Variants in KCNH1 observed in about 807,000 individuals in gnomAD.
KCNH1 encodes voltage-gated delayed rectifier potassium channel KCNH1.
A neutral mutation model predicts 69.2 loss-of-function variants in KCNH1; 27 were observed. The ratio of observed to expected loss-of-function variants is 0.39; its 90% CI spans 0.29 to 0.54. The LOEUF (loss-of-function observed/expected upper bound fraction) is 0.54, where lower values mean the gene tolerates loss of function less well. Ranked by LOEUF, KCNH1 falls within the 20% of genes least tolerant of loss-of-function variation. The pLI is 0.68. For synonymous variants in KCNH1, 456 were observed against 487.7 expected (o/e 0.93, Z 0.86); for missense variants, 798 against 1,261.6 (o/e 0.63, Z 5.57).
chr1:211,026,121 A>T (rs1442936866), intron 5 of KCNH1, among the ~76,000 whole-genome samples: 1 of 152,116 alleles, frequency 6.6e-6, no homozygotes, highest in Non-Finnish European at 1.5e-5. Context: ...ACAGCAAATA[A>T]ATGAACCTAA....
rs1003914958 is a variant in KCNH1, at chr1:210,684,143, A to G, written c.2113-5T>C. ...GCTGATCTTCCGGAACACAATCTGGAGAGAGAGAGAGAGAGAATGACATGG... is the reference window on the plus strand; with the variant it reads ...GCTGATCTTCCGGAACACAATCTGGGGAGAGAGAGAGAGAGAATGACATGG... On this transcript the variant is annotated splice_region_variant and splice_polypyrimidine_tract_variant and intron_variant, in intron 10 of 10. Coordinates refer to ENST00000271751, the MANE Select transcript of KCNH1 (RefSeq NM_172362.3). The G allele has an allele frequency of 1.1e-6, 1 of 876,404 alleles. No individual in the cohort carries two copies. The highest frequency in any genetic ancestry group is 1.8e-5 in the African/African-American group (1 of 56,674). 54.3% of individuals were successfully genotyped at this position (876,404 alleles called of 1,614,324 possible).
intron 6 of KCNH1, among the ~76,000 whole-genome samples, chr1:210,975,964 A>T (rs1311719905): frequency 6.6e-6 from 1 of 152,272 alleles, no homozygotes; most frequent in Admixed American, 6.5e-5. Context: ...ACTTCTCAAA[A>T]GAAGACATTT....
At chr1:210,747,548 T>C (rs528676217) in intron 10 of KCNH1, among the ~76,000 whole-genome samples, 129 of 151,804 alleles carry the variant, frequency 8.5e-4, no homozygotes, top group African/African-American at 2.9e-3. Flanking sequence ...CTATATTTAC[T>C]GGAAGATTTA....
chr1:210,869,824 T>C (rs1475048167), intron 7 of KCNH1, among the ~76,000 whole-genome samples: 1 of 152,128 alleles, frequency 6.6e-6, no homozygotes, highest in East Asian at 1.9e-4. Flanking sequence ...CTACCAGCCC[T>C]GTATTGCCTC....
At chr1:210,988,018 A>G (rs1328121232) in intron 6 of KCNH1, among the ~76,000 whole-genome samples, 1 of 152,150 alleles carries the variant, frequency 6.6e-6, no homozygotes, top group South Asian at 2.1e-4. Flanking sequence ...GACACCTTGC[A>G]GTTTGATCTC....
At chr1:211,131,054 C>A (rs1161922080) in intron 1 of KCNH1, among the ~76,000 whole-genome samples, 1 of 151,878 alleles carries the variant, frequency 6.6e-6, no homozygotes, top group African/African-American at 2.4e-5. Flanking sequence ...CATGGTGTAC[C>A]ATAAAGAATC....
At chr1:210,829,812 A>G (rs1252627079) in intron 7 of KCNH1, among the ~76,000 whole-genome samples, 3 of 152,160 alleles carry the variant, frequency 2.0e-5, no homozygotes, top group Non-Finnish European at 4.4e-5. Flanking sequence ...ACCAAGCTCT[A>G]TGATCCCCAA....
intron 7 of KCNH1, among the ~76,000 whole-genome samples, chr1:210,904,931 A>ACC (rs1687072184): frequency 6.6e-6 from 1 of 152,130 alleles, no homozygotes; most frequent in Non-Finnish European, 1.5e-5. Flanking sequence ...GAGAGTGAGT[A>ACC]ACTAAGGGGA....
At position 211,022,454 on chromosome 1, in the gene KCNH1, C is replaced by A. The variant is rs552186369; in HGVS notation, c.559-3198G>T. On this transcript the variant is annotated intron_variant, in intron 5 of 10. Coordinates refer to ENST00000271751, the MANE Select transcript of KCNH1 (RefSeq NM_172362.3). ...GGTAAACCTCAAAAGTACAGGCAAC[C>A]AAGGCAAAAATAGCCAAATAGGATT... is the stretch of plus-strand genomic sequence containing the variant. 8.5e-5 allele frequency among the ~76,000 whole-genome samples: 13 copies of A among 152,082 alleles called. No homozygotes were observed. In the South Asian group the frequency reaches 2.5e-3, roughly 29 times the overall value.
At chr1:210,800,529 G>C (rs1433220966) in intron 8 of KCNH1, among the ~76,000 whole-genome samples, 1 of 152,206 alleles carries the variant, frequency 6.6e-6, no homozygotes, top group Non-Finnish European at 1.5e-5. Context: ...AGAGCCAATG[G>C]AGAGTACAGT....
intron 5 of KCNH1, among the ~76,000 whole-genome samples, chr1:211,032,491 A>G (rs1689806822): frequency 6.6e-6 from 1 of 152,200 alleles, no homozygotes; most frequent in Non-Finnish European, 1.5e-5. Context: ...TGGAGGCATC[A>G]CGCTACCTGA....
intron 5 of KCNH1, among the ~76,000 whole-genome samples, chr1:211,074,229 G>A (rs1256507476): frequency 6.6e-6 from 1 of 151,410 alleles, no homozygotes; most frequent in East Asian, 1.9e-4. Context: ...AAGGTATCAA[G>A]TGGAAGAAAA....
At chr1:210,980,683 T>C (rs1574375948) in intron 6 of KCNH1, among the ~76,000 whole-genome samples, 1 of 152,124 alleles carries the variant, frequency 6.6e-6, no homozygotes, top group Non-Finnish European at 1.5e-5. Flanking sequence ...TGAATTGTCA[T>C]GAGAATAGTA....
At chr1:211,120,371 G>A (rs928665296) in intron 1 of KCNH1, among the ~76,000 whole-genome samples, 8 of 151,792 alleles carry the variant, frequency 5.3e-5, no homozygotes, top group Admixed American at 2.6e-4. Context: ...TATATTTTTA[G>A]TAGAGACGGG....
chr1:210,855,537 T>C (rs191519589), intron 7 of KCNH1, among the ~76,000 whole-genome samples: 34 of 152,352 alleles, frequency 2.2e-4, no homozygotes, highest in African/African-American at 8.2e-4. Flanking sequence ...ATATTCTCCT[T>C]CTTTAGGCTG....
At chr1:210,764,096 G>A (rs1683573588) in intron 10 of KCNH1, among the ~76,000 whole-genome samples, 1 of 152,058 alleles carries the variant, frequency 6.6e-6, no homozygotes, top group South Asian at 2.1e-4. Flanking sequence ...CTTTGACAAA[G>A]CCAACAAAAA....
At chr1:210,859,658 C>A in intron 7 of KCNH1, 1 of 1,308,942 alleles carries the variant, frequency 7.6e-7, no homozygotes, top group South Asian at 1.2e-5. Context: ...GCATGGCAGG[C>A]ATATGCTCTT....
chr1:210,890,174 C>T (rs911134168), intron 7 of KCNH1, among the ~76,000 whole-genome samples: 7 of 152,038 alleles, frequency 4.6e-5, no homozygotes, highest in African/African-American at 7.2e-5. Context: ...CAAATCAGCT[C>T]GGTACTGGTA....
intron 9 of KCNH1, among the ~76,000 whole-genome samples, chr1:210,775,834 A>C (rs1387292125): frequency 3.3e-5 from 5 of 152,192 alleles, no homozygotes; most frequent in African/African-American, 1.2e-4. Context: ...GGACACACAC[A>C]CCCATTATTC....
Sources: allele counts gnomAD v4.1 joint callset (sites outside exome capture counted in the v4.1 genomes callset), GRCh38; gene constraint gnomAD v4.1.1; transcripts MANE v1.5; gene names NCBI Gene and HGNC (gene_info 2026-07-23, HGNC 2026-07-21).